Variants in AGBL1 observed in about 807,000 individuals in gnomAD.
AGBL1 encodes cytosolic carboxypeptidase 4.
In AGBL1, 130 loss-of-function variants were observed where a neutral mutation model predicts 118.9. The observed-to-expected ratio is 1.09, with a 90% confidence interval of 0.95 to 1.26. The LOEUF (loss-of-function observed/expected upper bound fraction) is 1.26. Ranked by LOEUF, AGBL1 falls within the 50% of genes most tolerant of loss-of-function variation. The pLI, the probability that AGBL1 is intolerant of heterozygous loss-of-function variation, is 0.00. For missense variants in AGBL1, 1,584 were observed against 1,298.1 expected (o/e 1.22, Z -3.38); for synonymous variants, 555 against 478.9 (o/e 1.16, Z -2.08).
intron 5 of AGBL1, among the ~76,000 whole-genome samples, chr15:86,202,508 A>G (rs557002023): frequency 1.3e-5 from 2 of 152,268 alleles, no homozygotes; most frequent in South Asian, 4.2e-4. Context: ...ACAGCCTCAG[A>G]TTTGTTGTAA....
In AGBL1 at chr15:86,998,813, C is replaced by T. The variant is rs77422661; in HGVS notation, c.3323+10725C>T. ...CTGACAAGTTAGTTAGCTCAACCTG[C>T]CCAAGGTGACATGGAGCCAAGATTT... On this transcript the variant is annotated intron_variant, in intron 24 of 24. Coordinates refer to the AGBL1 transcript ENST00000441037. 1.9e-4 allele frequency among the ~76,000 whole-genome samples: 29 copies of T among 152,054 alleles called. No homozygotes were observed. In the South Asian group the frequency reaches 5.4e-3, roughly 28 times the overall value.
At chr15:86,744,241 G>T (rs1343630669) in intron 22 of AGBL1, among the ~76,000 whole-genome samples, 1 of 152,070 alleles carries the variant, frequency 6.6e-6, no homozygotes, top group African/African-American at 2.4e-5. Context: ...AGTGGAAATG[G>T]AAACTAAGGA....
At chr15:86,791,710 C>G (rs16977989) in intron 22 of AGBL1, among the ~76,000 whole-genome samples, 8,367 of 141,324 alleles carry the variant, frequency 0.059, 428 homozygotes, top group Admixed American at 0.18. Flanking sequence ...GAATTCTGAA[C>G]TCATCTTTCC....
At chr15:86,653,184 A>C (rs369613289) in intron 21 of AGBL1, among the ~76,000 whole-genome samples, 8 of 152,044 alleles carry the variant, frequency 5.3e-5, no homozygotes, top group East Asian at 1.9e-4. Flanking sequence ...GAGTTATGTC[A>C]GCACAAACAT....
At chr15:86,957,720 A>AT (rs2141680261) in intron 23 of AGBL1, among the ~76,000 whole-genome samples, 1 of 152,228 alleles carries the variant, frequency 6.6e-6, no homozygotes, top group Non-Finnish European at 1.5e-5. Flanking sequence ...ACAAATGTAG[A>AT]TTTATCCCTT....
chr15:86,386,791 C>T (rs188137629), intron 17 of AGBL1, among the ~76,000 whole-genome samples: 5 of 152,284 alleles, frequency 3.3e-5, no homozygotes, highest in African/African-American at 1.2e-4. Context: ...TTCTCCACTT[C>T]CCAGCCCTTA....
At chr15:86,086,513 G>A (rs1356970871) in intron 1 of AGBL1, 1 of 152,168 alleles carries the variant, frequency 6.6e-6, no homozygotes, top group East Asian at 1.9e-4. Flanking sequence ...GAGCATTCAA[G>A]GTCAAGAGCT....
At chr15:86,143,291 C>G (rs2076988331) in intron 2 of AGBL1, among the ~76,000 whole-genome samples, 1 of 152,168 alleles carries the variant, frequency 6.6e-6, no homozygotes, top group Non-Finnish European at 1.5e-5. Context: ...AGGCCATCAT[C>G]CCAATCCTTG....
chr15:86,929,142 A>G (rs2080578184), intron 23 of AGBL1, among the ~76,000 whole-genome samples: 1 of 152,124 alleles, frequency 6.6e-6, no homozygotes, highest in Admixed American at 6.5e-5. Context: ...ATTCATTTAC[A>G]TTCTTTCCTA....
intron 22 of AGBL1, among the ~76,000 whole-genome samples, chr15:86,860,713 AGTGTGTGT>A (rs3030214): frequency 6.7e-6 from 1 of 148,726 alleles, no homozygotes; most frequent in Non-Finnish European, 1.5e-5. Context: ...TCTGTGAGTA[AGTGTGTGT>A]GTGTGTGTGT....
At chr15:86,943,829 A>T (rs1434535479) in intron 23 of AGBL1, among the ~76,000 whole-genome samples, 1 of 152,132 alleles carries the variant, frequency 6.6e-6, no homozygotes, top group Non-Finnish European at 1.5e-5. Context: ...AACCTTACCA[A>T]GGACTCTCTT....
intron 21 of AGBL1, among the ~76,000 whole-genome samples, chr15:86,591,052 T>C (rs529760861): frequency 1.3e-5 from 2 of 152,334 alleles, no homozygotes; most frequent in Admixed American, 6.5e-5. Flanking sequence ...TTAAGTTTAG[T>C]TCGCTCTCTA....
intron 18 of AGBL1, among the ~76,000 whole-genome samples, chr15:86,485,786 T>C (rs1218340417): frequency 6.6e-6 from 1 of 152,120 alleles, no homozygotes; most frequent in African/African-American, 2.4e-5. Context: ...GTTGCAGAGG[T>C]ATTCATTCAA....
intron 17 of AGBL1, among the ~76,000 whole-genome samples, chr15:86,342,058 C>T (rs781514142): frequency 5.3e-5 from 8 of 152,186 alleles, no homozygotes; most frequent in Admixed American, 5.2e-4. Context: ...AGGGTTTTCT[C>T]ATGCTAATCA....
chr15:86,558,297 C>G (rs949599131), intron 21 of AGBL1, among the ~76,000 whole-genome samples: 5 of 152,116 alleles, frequency 3.3e-5, no homozygotes, highest in Non-Finnish European at 5.9e-5. Context: ...CTAAAGGACC[C>G]CATCTTGCCC....
intron 21 of AGBL1, among the ~76,000 whole-genome samples, chr15:86,664,967 C>T (rs1055930602): frequency 2.6e-5 from 4 of 151,812 alleles, no homozygotes; most frequent in African/African-American, 7.3e-5. Flanking sequence ...ATAAGGAAAA[C>T]ACACAAAGAA....
chr15:86,627,675 T>G (rs1465600454), intron 21 of AGBL1, among the ~76,000 whole-genome samples: 1 of 151,770 alleles, frequency 6.6e-6, no homozygotes, highest in Admixed American at 6.6e-5. Context: ...TGTAATGCAG[T>G]GAAAGAAAGA....
chr15:86,215,897 T>A (rs2078179830), intron 5 of AGBL1, among the ~76,000 whole-genome samples: 1 of 152,198 alleles, frequency 6.6e-6, no homozygotes, highest in Non-Finnish European at 1.5e-5. Flanking sequence ...ATGATACTTG[T>A]GTGATTTCTA....
At chr15:86,262,338 T>G (rs1597643559) in intron 9 of AGBL1, among the ~76,000 whole-genome samples, 1 of 152,202 alleles carries the variant, frequency 6.6e-6, no homozygotes, top group South Asian at 2.1e-4. Flanking sequence ...TGACCGAAAC[T>G]TCAGTACCGG....
Sources: gnomAD v4.1 joint callset for allele counts (sites outside exome capture counted in the v4.1 genomes callset) on GRCh38, gnomAD v4.1.1 for gene constraint, MANE v1.5 for transcripts, NCBI Gene and HGNC (gene_info 2026-07-23, HGNC 2026-07-21) for gene names.